TM2D1: variants seen among roughly 807,000 people sequenced by gnomAD.
TM2D1 encodes the protein TM2 domain containing 1.
TM2D1 carries 15 observed loss-of-function variants against 28.4 expected under a neutral mutation model. That is an observed-to-expected ratio of 0.53 (90% CI 0.35 to 0.81). The LOEUF is 0.81. TM2D1 is among the 40% of genes least tolerant of loss of function. TM2D1 has a pLI of 0.01. For synonymous variants in TM2D1, 93 were observed against 96.2 expected, an observed-to-expected ratio of 0.97 and a Z score of 0.20; for missense variants, 236 against 254.9, an observed-to-expected ratio of 0.93 and a Z score of 0.50.
chr1:61,725,066 G>A lies in TM2D1; in HGVS notation c.55C>T (p.Leu19Phe). 2 of 1,613,926 alleles carry A rather than the reference G, an allele frequency of 1.2e-6. No individual in the cohort carries two copies. Among genetic ancestry groups the A allele is most frequent in the Non-Finnish European group, 1.7e-6 (2 of 1,179,912 alleles). ...GAGACGAACCACAGGACACCAACGA[G>A]TCTGGCCGTCACGGCCTCCGGAGCA... ...PSAPEAVTAR[L>F]VGVLWFVSVT... The change falls in exon 1 of 7, where the codon CTC becomes TTC. Residue 19 changes from leucine (L) to phenylalanine (F), a missense_variant. This residue lies in a region of TM2D1 where 167 missense variants were observed against 162.7 expected (regional missense o/e 1.03). Coordinates refer to ENST00000606498, the MANE Select transcript of TM2D1 (RefSeq NM_032027.3).
At chr1:61,711,571 T>C (rs982560643) in intron 2 of TM2D1, among the ~76,000 whole-genome samples, 3 of 149,138 alleles carry the variant, frequency 2.0e-5, no homozygotes, top group Non-Finnish European at 3.0e-5. Flanking sequence ...AAGGCTGCAG[T>C]GAGCTGTGAT....
chr1:61,691,932 A>AAAAAATATATATATATATATAT, intron 5 of TM2D1, among the ~76,000 whole-genome samples: 13 of 76,382 alleles, frequency 1.7e-4, no homozygotes, highest in South Asian at 4.4e-4. Context: ...AAAAAAAAAA[A>AAAAAATATATATATATATATAT]ATATATATAT....
intron 2 of TM2D1, among the ~76,000 whole-genome samples, chr1:61,713,957 G>T (rs1235180445): frequency 1.7e-4 from 24 of 141,854 alleles, no homozygotes; most frequent in African/African-American, 6.2e-4. Flanking sequence ...CTGCAGTGGC[G>T]CAATCTCGGC....
chr1:61,695,515 A>C (rs1644357632), intron 4 of TM2D1, among the ~76,000 whole-genome samples: 1 of 152,198 alleles, frequency 6.6e-6, no homozygotes, highest in African/African-American at 2.4e-5. Context: ...TTATGAATTT[A>C]AACTTGAGTT....
chr1:61,700,882 T>C lies in TM2D1; in HGVS notation c.439+52A>G, dbSNP rs569522429. 5.0e-4 allele frequency: 672 copies of C among 1,350,376 alleles called. 8 individuals carry two copies. The highest frequency in any genetic ancestry group is 4.7e-3 in the South Asian group (368 of 78,914). 83.6% of individuals were successfully genotyped at this position (1,350,376 alleles called of 1,614,324 possible). On this transcript the variant is annotated intron_variant, in intron 4 of 6. Transcript: ENST00000606498. ...ATTTAATCCATAAGAACACCTACAA[T>C]GAACTAAAATATAGGTTTCATAAGG...
At chr1:61,701,162 C>G in intron 3 of TM2D1, 137 bp from the exon 4 acceptor site, 1 of 616,870 alleles carries the variant, frequency 1.6e-6, no homozygotes, top group South Asian at 2.2e-5. Context: ...GTGTCAGGCA[C>G]TATTCTAGGC....
chr1:61,691,495 CAAAAAAAAAAA>C (rs1183951634), intron 5 of TM2D1, among the ~76,000 whole-genome samples: 1 of 39,348 alleles, frequency 2.5e-5, no homozygotes, highest in African/African-American at 9.2e-5. Flanking sequence ...AACTCCATCT[CAAAAAAAAAAA>C]AAAAAAAAAA....
At chr1:61,702,759 T>C (rs1483284786) in intron 3 of TM2D1, among the ~76,000 whole-genome samples, 6 of 151,714 alleles carry the variant, frequency 4.0e-5, no homozygotes, top group Non-Finnish European at 7.4e-5. Context: ...CTTATATATA[T>C]ATATATGTAA....
intron 5 of TM2D1, among the ~76,000 whole-genome samples, chr1:61,685,392 T>C (rs764205035): frequency 6.6e-6 from 1 of 152,232 alleles, no homozygotes; most frequent in Non-Finnish European, 1.5e-5. Context: ...AACTTAAATG[T>C]CAATTTAAAA....
At chr1:61,711,132 G>T (rs1644475486) in intron 2 of TM2D1, among the ~76,000 whole-genome samples, 1 of 152,082 alleles carries the variant, frequency 6.6e-6, no homozygotes, top group South Asian at 2.1e-4. Flanking sequence ...GAGGTTTGGA[G>T]TGCGACACCA....
chr1:61,720,220 T>C (rs980038169), intron 2 of TM2D1, among the ~76,000 whole-genome samples: 3 of 152,142 alleles, frequency 2.0e-5, no homozygotes, highest in African/African-American at 7.2e-5. Flanking sequence ...TATATGTGTA[T>C]GTAACCCAGA....
At chr1:61,701,391 T>C (rs1644400569) in intron 3 of TM2D1, among the ~76,000 whole-genome samples, 1 of 134,354 alleles carries the variant, frequency 7.4e-6, no homozygotes, top group East Asian at 2.2e-4. Context: ...GTGGTAAGAG[T>C]AGGCCTCATT....
At chr1:61,696,464 G>A (rs1419939405) in intron 4 of TM2D1, among the ~76,000 whole-genome samples, 1 of 151,616 alleles carries the variant, frequency 6.6e-6, no homozygotes, top group African/African-American at 2.4e-5. Flanking sequence ...ACTTGAACCT[G>A]GGAGACGGAG....
intron 5 of TM2D1, among the ~76,000 whole-genome samples, chr1:61,692,313 C>A (rs1355569803): frequency 2.6e-5 from 4 of 151,896 alleles, no homozygotes; most frequent in Non-Finnish European, 5.9e-5. Flanking sequence ...TGTTCAAAGA[C>A]AAACTATAAC....
At chr1:61,713,312 A>G (rs1455665157) in intron 2 of TM2D1, among the ~76,000 whole-genome samples, 2 of 151,788 alleles carry the variant, frequency 1.3e-5, no homozygotes, top group Non-Finnish European at 2.9e-5. Context: ...ACCCATCTCT[A>G]TCAAAAATAC....
rs560729755 is a variant in TM2D1 at position 61,724,873 on chromosome 1, C to A, written c.164+84G>T. Reference sequence around the variant, plus strand: ...GATTATCGTTTTCACTCAGTACAGCCCTAGCCAGTCCTGACGGCAGCGACC... The same window carrying A: ...GATTATCGTTTTCACTCAGTACAGCACTAGCCAGTCCTGACGGCAGCGACC... On this transcript the variant is annotated intron_variant, in intron 1 of 6. Transcript: ENST00000606498. 1.1e-4 allele frequency: 160 copies of A among 1,410,090 alleles called. 1 individual carries two copies. The East Asian group carries it at 2.5e-3, about 22-fold the overall frequency. The allele number at this position is 1,410,090 out of a possible 1,614,324, so 87.3% of individuals were successfully genotyped here. A position where few individuals can be genotyped will look rare whatever the true frequency, so the allele number is the denominator to read the frequency against.
chr1:61,686,637 C>T (rs528897556), intron 5 of TM2D1, among the ~76,000 whole-genome samples: 2 of 152,088 alleles, frequency 1.3e-5, no homozygotes, highest in African/African-American at 2.4e-5. Context: ...TCCACTCCAA[C>T]CTGGGAAACA....
rs1644454065 is a variant in TM2D1, at chr1:61,708,187, A to G, written c.347+1142T>C. On this transcript the variant is annotated intron_variant, in intron 3 of 6. Coordinates refer to ENST00000606498, the MANE Select transcript of TM2D1 (RefSeq NM_032027.3). ...CCCCAGCCTCCCAGTGGCTAGGACC[A>G]CAGGCAAGCACCACCTCACTGGGCT... Among the ~76,000 whole-genome samples the G allele has an allele frequency of 2.0e-5, 3 of 152,192 alleles. 1 individual carries two copies. The South Asian group carries it at 6.2e-4, about 32-fold the overall frequency.
At chr1:61,687,261 G>A (rs548381734) in intron 5 of TM2D1, among the ~76,000 whole-genome samples, 1 of 152,154 alleles carries the variant, frequency 6.6e-6, no homozygotes, top group Non-Finnish European at 1.5e-5. Flanking sequence ...AAGAGAAGGG[G>A]AAGGAAGCTA....
Sources: allele counts gnomAD v4.1 joint callset (sites outside exome capture counted in the v4.1 genomes callset), GRCh38; gene constraint gnomAD v4.1.1; regional missense constraint gnomAD v4.1.1; transcripts MANE v1.5; gene names NCBI Gene and HGNC (gene_info 2026-07-23, HGNC 2026-07-21).